Variants in ETV6 observed in about 807,000 individuals in gnomAD.
ETV6 encodes the protein transcription factor ETV6.
A neutral mutation model predicts 51.1 loss-of-function variants in ETV6; 16 were observed. The observed-to-expected ratio is 0.31, with a 90% CI of 0.21 to 0.48. ETV6 has a LOEUF of 0.48. ETV6 is among the 20% of genes least tolerant of loss of function. The pLI, the probability that ETV6 is intolerant of heterozygous loss-of-function variation, is 0.99. For synonymous variants in ETV6, 240 were observed against 224.1 expected, an observed-to-expected ratio of 1.07 and a Z score of -0.64; for missense variants, 458 against 594.8, an observed-to-expected ratio of 0.77 and a Z score of 2.39.
chr12:11,710,000 C>G (rs1233453577), intron 1 of ETV6, among the ~76,000 whole-genome samples: 2 of 152,226 alleles, frequency 1.3e-5, no homozygotes, highest in Admixed American at 1.3e-4. Context: ...CAGCATATCA[C>G]ACCTCTCTGT....
intron 1 of ETV6, among the ~76,000 whole-genome samples, chr12:11,668,234 C>T (rs903747384): frequency 5.0e-5 from 7 of 140,806 alleles, no homozygotes; most frequent in African/African-American, 1.8e-4. Flanking sequence ...ATTTCATGAG[C>T]CTTTTCTTAA....
intron 1 of ETV6, among the ~76,000 whole-genome samples, chr12:11,662,596 G>T (rs989289811): frequency 4.6e-5 from 7 of 152,192 alleles, no homozygotes; most frequent in African/African-American, 1.7e-4. Flanking sequence ...AGGTGTGGGT[G>T]GATGAGAATA....
intron 5 of ETV6, among the ~76,000 whole-genome samples, chr12:11,878,092 C>G (rs1346222388): frequency 6.6e-6 from 1 of 152,150 alleles, no homozygotes; most frequent in African/African-American, 2.4e-5. Flanking sequence ...CTCCTGCTTC[C>G]CCTCCCTGAA....
chr12:11,684,825 A>G (rs533816051), intron 1 of ETV6, among the ~76,000 whole-genome samples: 148 of 152,378 alleles, frequency 9.7e-4, no homozygotes, highest in African/African-American at 3.1e-3. Flanking sequence ...TACAACCCAT[A>G]AAAGTAAAGC....
At chr12:11,857,100 C>T (rs991530217) in intron 4 of ETV6, among the ~76,000 whole-genome samples, 1 of 152,206 alleles carries the variant, frequency 6.6e-6, no homozygotes, top group African/African-American at 2.4e-5. Flanking sequence ...ATCATTCAAC[C>T]GCCTTGTGAT....
At chr12:11,878,611 C>A (rs1947031044) in intron 5 of ETV6, among the ~76,000 whole-genome samples, 1 of 152,040 alleles carries the variant, frequency 6.6e-6, no homozygotes, top group African/African-American at 2.4e-5. Flanking sequence ...CCCCAGGAAG[C>A]CAGGAAGCGT....
At chr12:11,671,314 G>A (rs2120697041) in intron 1 of ETV6, among the ~76,000 whole-genome samples, 1 of 152,282 alleles carries the variant, frequency 6.6e-6, no homozygotes, top group East Asian at 1.9e-4. Context: ...GCTGTGGCAA[G>A]TATCATCCTG....
intron 1 of ETV6, among the ~76,000 whole-genome samples, chr12:11,695,150 T>G (rs968469551): frequency 5.3e-5 from 8 of 152,204 alleles, no homozygotes; most frequent in African/African-American, 1.9e-4. Flanking sequence ...TGATACCAAA[T>G]CTGGCCCAAA....
intron 2 of ETV6, among the ~76,000 whole-genome samples, chr12:11,772,767 C>G (rs1945260734): frequency 6.6e-6 from 1 of 152,192 alleles, no homozygotes; most frequent in Non-Finnish European, 1.5e-5. Flanking sequence ...GTGATTCTCT[C>G]TGGTCTACCT....
At chr12:11,661,853 G>T (rs754655787) in intron 1 of ETV6, among the ~76,000 whole-genome samples, 3 of 152,204 alleles carry the variant, frequency 2.0e-5, no homozygotes, top group African/African-American at 7.2e-5. Flanking sequence ...GTGAGGAGAT[G>T]AGGGTGTGCT....
chr12:11,696,901 G>A (rs568907963), intron 1 of ETV6, among the ~76,000 whole-genome samples: 2 of 152,230 alleles, frequency 1.3e-5, no homozygotes, highest in South Asian at 4.2e-4. Context: ...AACTCCTTGA[G>A]GGCAGAGACT....
At chr12:11,690,019 G>T (rs16907150) in intron 1 of ETV6, among the ~76,000 whole-genome samples, 2 of 151,966 alleles carry the variant, frequency 1.3e-5, no homozygotes, top group African/African-American at 4.8e-5. Context: ...TTTGAAAAGG[G>T]TCAGAATATT....
At chr12:11,669,830 A>G (rs532796995) in intron 1 of ETV6, among the ~76,000 whole-genome samples, 1 of 152,304 alleles carries the variant, frequency 6.6e-6, no homozygotes, top group East Asian at 1.9e-4. Flanking sequence ...CGTCGCCACC[A>G]GCACGTAATG....
chr12:11,877,915 C>A (rs111434444), intron 5 of ETV6, among the ~76,000 whole-genome samples: 8 of 152,364 alleles, frequency 5.3e-5, no homozygotes, highest in African/African-American at 1.9e-4. Context: ...CCCTGCCTCA[C>A]TGCTGAGCTG....
chr12:11,831,600 G>C (rs1476397382), intron 2 of ETV6, among the ~76,000 whole-genome samples: 3 of 152,166 alleles, frequency 2.0e-5, no homozygotes, highest in Non-Finnish European at 4.4e-5. Flanking sequence ...AAAGGAAAAG[G>C]AGACAGGGAA....
Position 11,892,026 on chromosome 12 carries a change from G to A in ETV6, c.*980G>A, listed in dbSNP as rs1272227706. 9 of 187,980 alleles carry A rather than the reference G, an allele frequency of 4.8e-5. No homozygotes were observed. Among genetic ancestry groups the A allele is most frequent in the Admixed American group, 6.6e-5 (1 of 15,042 alleles). The allele number at this position is 187,980 out of a possible 1,614,324, so 11.6% of individuals were successfully genotyped here. On this transcript the variant is annotated 3_prime_UTR_variant, in exon 8 of 8. Transcript: ENST00000396373. Reference sequence around the variant, plus strand: ...GGCAGCTTGGGATTAGCTTGGGAGCGCAGCGCTGCAAAGTGGAAAATATGA... The same window carrying A: ...GGCAGCTTGGGATTAGCTTGGGAGCACAGCGCTGCAAAGTGGAAAATATGA...
chr12:11,882,875 G>A (rs1486244287), intron 5 of ETV6, among the ~76,000 whole-genome samples: 1 of 152,222 alleles, frequency 6.6e-6, no homozygotes, highest in Non-Finnish European at 1.5e-5. Flanking sequence ...AAATGTGCCA[G>A]GCCTAGGCCT....
intron 1 of ETV6, among the ~76,000 whole-genome samples, chr12:11,750,593 A>G (rs1218279367): frequency 6.6e-6 from 1 of 152,204 alleles, no homozygotes; most frequent in Non-Finnish European, 1.5e-5. Flanking sequence ...CAAAAACCCT[A>G]ACAAAACAGA....
chr12:11,675,786 G>T (rs548700082), intron 1 of ETV6, among the ~76,000 whole-genome samples: 4 of 151,896 alleles, frequency 2.6e-5, no homozygotes, highest in Admixed American at 2.0e-4. Context: ...TGTACTTCAC[G>T]CTGGGCAACA....
Sources: gnomAD v4.1 joint callset for allele counts (sites outside exome capture counted in the v4.1 genomes callset) on GRCh38, gnomAD v4.1.1 for gene constraint, MANE v1.5 for transcripts, NCBI Gene and HGNC (gene_info 2026-07-23, HGNC 2026-07-21) for gene names.